Variants in SPRR2G observed in about 807,000 individuals in gnomAD.
The protein encoded by SPRR2G is small proline-rich protein 2G.
A neutral mutation model predicts 0.7 loss-of-function variants in SPRR2G; 1 was observed. The observed-to-expected ratio is 1.49, with a 90% CI of 0.53 to 7.06. SPRR2G has a LOEUF of 7.06. Ranked by LOEUF, SPRR2G falls within the 30% of genes most tolerant of loss-of-function variation. The pLI is 0.14. For missense variants in SPRR2G, 96 were observed against 88.5 expected, an observed-to-expected ratio of 1.09 and a Z score of -0.34; for synonymous variants, 38 against 33.9, an observed-to-expected ratio of 1.12 and a Z score of -0.42.
At chr1:153,178,784 C>G in the SPRR2G span, among the ~76,000 whole-genome samples, 1 of 152,026 alleles carries the variant, frequency 6.6e-6, no homozygotes, top group Admixed American at 6.6e-5. Context: ...GCTACGTTAA[C>G]CTGAAAAAGA....
At chr1:153,170,910 A>G in the SPRR2G span, among the ~76,000 whole-genome samples, 1 of 152,198 alleles carries the variant, frequency 6.6e-6, no homozygotes, top group Admixed American at 6.5e-5. Flanking sequence ...AGAGGTGGCC[A>G]ACAAGTGAGG....
the SPRR2G span, among the ~76,000 whole-genome samples, chr1:153,168,062 G>T: frequency 1.3e-5 from 2 of 152,118 alleles, no homozygotes; most frequent in Admixed American, 6.6e-5. Context: ...CTCCATCAAA[G>T]AAGAATCTGT....
the SPRR2G span, among the ~76,000 whole-genome samples, chr1:153,185,121 G>A: frequency 6.6e-6 from 1 of 152,086 alleles, no homozygotes; most frequent in African/African-American, 2.4e-5. Context: ...ATTTTATTGA[G>A]GATTTTCACA....
chr1:153,178,365 T>A, the SPRR2G span, among the ~76,000 whole-genome samples: 3,183 of 152,280 alleles, frequency 0.021, 241 homozygotes, highest in Admixed American at 0.15. Context: ...AATGTTAGAA[T>A]AGAAGTAGTA....
chr1:153,168,904 ATGTGTGTGTGTG>A, the SPRR2G span, among the ~76,000 whole-genome samples: 3 of 148,062 alleles, frequency 2.0e-5, no homozygotes, highest in Non-Finnish European at 4.5e-5. Context: ...TCATGAGTGT[ATGTGTGTGTGTG>A]TGTGTGTGTG....
the SPRR2G span, among the ~76,000 whole-genome samples, chr1:153,170,720 A>G: frequency 6.6e-6 from 1 of 152,140 alleles, no homozygotes; most frequent in Non-Finnish European, 1.5e-5. Context: ...TCAGCTCAGG[A>G]TCCCACAGAC....
At chr1:153,150,962 A>G (rs1168384855), upstream of SPRR2G, 2 of 152,290 alleles carry the variant, frequency 1.3e-5, no homozygotes, top group African/African-American at 4.8e-5. Context: ...CAGGACTAGC[A>G]TGATGTGCTT....
upstream of SPRR2G, among the ~76,000 whole-genome samples, chr1:153,155,094 A>T (rs1378965158): frequency 6.6e-6 from 1 of 152,160 alleles, no homozygotes; most frequent in Non-Finnish European, 1.5e-5. Context: ...TCTGGTGCTC[A>T]TTCCATGGAT....
upstream of SPRR2G, among the ~76,000 whole-genome samples, chr1:153,151,314 C>A (rs1384590263): frequency 6.6e-6 from 1 of 152,176 alleles, no homozygotes; most frequent in Non-Finnish European, 1.5e-5. Context: ...CCCTCAACTG[C>A]AGTTTTTCTT....
At chr1:153,178,993 C>G in the SPRR2G span, among the ~76,000 whole-genome samples, 1 of 152,164 alleles carries the variant, frequency 6.6e-6, no homozygotes, top group Admixed American at 6.5e-5. Context: ...ATGAGAGGAA[C>G]AGAACCAGTT....
the SPRR2G span, among the ~76,000 whole-genome samples, chr1:153,187,288 G>A: frequency 6.6e-6 from 1 of 152,160 alleles, no homozygotes; most frequent in Non-Finnish European, 1.5e-5. Flanking sequence ...ACATCCTGAA[G>A]TGTGTTTTCC....
chr1:153,150,492 G>A (rs768745484), intron 1 of SPRR2G, among the ~76,000 whole-genome samples: 8 of 152,118 alleles, frequency 5.3e-5, no homozygotes, highest in Non-Finnish European at 1.2e-4. Context: ...CAGTTTTAAT[G>A]AGCTGGCTGT....
In SPRR2G at chr1:153,149,943, A is replaced by G. The variant is rs1158187736; in HGVS notation, c.168T>C (p.Pro56=). The change falls in exon 2 of 2, where the codon CCT becomes CCC. Residue 56 remains proline, a synonymous_variant. Coordinates refer to ENST00000368748, the MANE Select transcript of SPRR2G (RefSeq NM_001014291.4). ...CPPPPCQDKC[P]PVQPYPPCQQ... The stretch of plus-strand genomic sequence containing the variant: ...GGCAGGGTGGGTATGGTTGCACAGG[A>G]GGGCATTTATCCTGGCATGGTGGAG... 1.2e-6 allele frequency: 2 copies of G among 1,613,980 alleles called. No homozygotes were observed. The highest frequency in any genetic ancestry group is 1.7e-6 in the Non-Finnish European group (2 of 1,179,996).
At chr1:153,153,350 T>C (rs1656512243), upstream of SPRR2G, among the ~76,000 whole-genome samples, 1 of 152,138 alleles carries the variant, frequency 6.6e-6, no homozygotes, top group African/African-American at 2.4e-5. Flanking sequence ...AACACAATGA[T>C]TGAGTTAAGT....
At chr1:153,202,512 G>T in the SPRR2G span, among the ~76,000 whole-genome samples, 1 of 152,114 alleles carries the variant, frequency 6.6e-6, no homozygotes, top group Non-Finnish European at 1.5e-5. Flanking sequence ...AAGCCCTTTT[G>T]CTCTGGAGTC....
chr1:153,194,549 A>G, the SPRR2G span, among the ~76,000 whole-genome samples: 2 of 152,194 alleles, frequency 1.3e-5, no homozygotes, highest in African/African-American at 4.8e-5. Flanking sequence ...GCATGTCTTC[A>G]TAAGGTACAG....
chr1:153,164,450 G>C, the SPRR2G span, among the ~76,000 whole-genome samples: 2 of 152,342 alleles, frequency 1.3e-5, no homozygotes, highest in African/African-American at 4.8e-5. Flanking sequence ...GTAGTCTGAA[G>C]AGGAGAGGGG....
At chr1:153,170,007 T>C in the SPRR2G span, among the ~76,000 whole-genome samples, 2 of 152,226 alleles carry the variant, frequency 1.3e-5, no homozygotes, top group African/African-American at 4.8e-5. Flanking sequence ...TTACAGTTTA[T>C]ATTAACTAAT....
Position 153,149,683 on chromosome 1 carries a change from CGAGATTAGG to C in SPRR2G, c.*197_*205del. The C allele has an allele frequency of 1.5e-6, 1 of 658,236 alleles. No homozygotes were observed. Among genetic ancestry groups the C allele is most frequent in the Non-Finnish European group, 2.6e-6 (1 of 385,278 alleles). 40.8% of individuals were successfully genotyped at this position (658,236 alleles called of 1,614,324 possible). ...ACCATCTACATCACAGACAGCAAAG[CGAGATTAGG>C]CAGTGATCTGGCTGCTCATCTTCCA... On this transcript the variant is annotated 3_prime_UTR_variant, in exon 2 of 2. Coordinates refer to ENST00000368748, the MANE Select transcript of SPRR2G (RefSeq NM_001014291.4).
Sources: gnomAD v4.1 joint callset for allele counts (sites outside exome capture counted in the v4.1 genomes callset) on GRCh38, gnomAD v4.1.1 for gene constraint, MANE v1.5 for transcripts, NCBI Gene and HGNC (gene_info 2026-07-23, HGNC 2026-07-21) for gene names.